KATNAL1: variants seen among roughly 807,000 people sequenced by gnomAD.
The protein encoded by KATNAL1 is katanin p60 ATPase-containing subunit A-like 1.
Under a neutral mutation model 55.2 loss-of-function variants are expected in KATNAL1, and 32 were observed. That is an observed-to-expected ratio of 0.58 (90% CI 0.44 to 0.78). The LOEUF is 0.78. Ranked by LOEUF, KATNAL1 falls within the 30% of genes least tolerant of loss-of-function variation. KATNAL1 has a pLI of 0.00. For synonymous variants in KATNAL1, 193 were observed against 193.6 expected (o/e 1.00, Z 0.02); for missense variants, 466 against 600.9 (o/e 0.78, Z 2.35).
At chr13:30,284,858 A>G (rs184784915) in intron 1 of KATNAL1, among the ~76,000 whole-genome samples, 58 of 152,350 alleles carry the variant, frequency 3.8e-4, no homozygotes, top group South Asian at 1.9e-3. Context: ...CAAGGCTTCT[A>G]TGCAAAGATA....
chr13:30,240,129 A>G (rs1248914583), intron 6 of KATNAL1, among the ~76,000 whole-genome samples: 1 of 152,250 alleles, frequency 6.6e-6, no homozygotes, highest in Non-Finnish European at 1.5e-5. Flanking sequence ...CCTTTCTTCT[A>G]TAAGACCATA....
intron 1 of KATNAL1, among the ~76,000 whole-genome samples, chr13:30,284,695 A>G (rs146335907): frequency 5.3e-4 from 81 of 152,270 alleles, no homozygotes; most frequent in African/African-American, 1.9e-3. Flanking sequence ...ATCATTCTCT[A>G]TATCTTTTTG....
intron 6 of KATNAL1, among the ~76,000 whole-genome samples, chr13:30,232,106 AG>A (rs1876166452): frequency 6.6e-6 from 1 of 152,216 alleles, no homozygotes; most frequent in African/African-American, 2.4e-5. Context: ...GTTACTTCTT[AG>A]TTTTGAAAAC....
intron 3 of KATNAL1, among the ~76,000 whole-genome samples, chr13:30,275,765 T>C (rs925249800): frequency 3.9e-5 from 6 of 152,114 alleles, no homozygotes; most frequent in Admixed American, 2.6e-4. Flanking sequence ...AATTAGCTTA[T>C]TGTGATAAAT....
chr13:30,210,355 A>G lies in KATNAL1; in HGVS notation c.1235T>C (p.Ile412Thr), dbSNP rs774790163. 2.1e-5 allele frequency: 33 copies of G among 1,609,262 alleles called. No homozygotes were observed. The South Asian group carries it at 3.4e-4, about 17-fold the overall frequency. ...GATGTCAGCACCAGAATAGCCCTCA[A>G]TCTTCTCGGCTATATCTTCCAGTTG... ...DIQLEDIAEKIEGYSGADITN... is the reference protein window; with the variant it reads ...DIQLEDIAEKTEGYSGADITN... Residue 412 changes from isoleucine to threonine, a missense_variant, in exon 10 of 11, where the codon ATT becomes ACT. This residue lies in a region of KATNAL1 where 213 missense variants were observed against 308.6 expected (regional missense o/e 0.69). Coordinates refer to ENST00000380615, the MANE Select transcript of KATNAL1 (RefSeq NM_032116.5).
chr13:30,289,686 G>A (rs1440428521), intron 1 of KATNAL1, among the ~76,000 whole-genome samples: 2 of 152,150 alleles, frequency 1.3e-5, no homozygotes, highest in African/African-American at 4.8e-5. Context: ...TGCTTTAAAA[G>A]TATAACATTC....
intron 6 of KATNAL1, among the ~76,000 whole-genome samples, chr13:30,237,382 G>T (rs1237987550): frequency 2.0e-5 from 3 of 152,196 alleles, no homozygotes; most frequent in African/African-American, 4.8e-5. Flanking sequence ...GAAGTGCTAA[G>T]ATAGGCTGGA....
intron 6 of KATNAL1, among the ~76,000 whole-genome samples, chr13:30,232,188 T>C (rs535243613): frequency 6.6e-6 from 1 of 152,286 alleles, no homozygotes; most frequent in African/African-American, 2.4e-5. Flanking sequence ...AACTCTCTAG[T>C]CTTAAAAACT....
At chr13:30,218,826 C>T (rs1311625843) in intron 9 of KATNAL1, among the ~76,000 whole-genome samples, 1 of 152,118 alleles carries the variant, frequency 6.6e-6, no homozygotes, top group Non-Finnish European at 1.5e-5. Context: ...GCTGTGGAGT[C>T]ACCCCCAACC....
intron 3 of KATNAL1, among the ~76,000 whole-genome samples, chr13:30,261,434 G>A (rs949572762): frequency 3.9e-5 from 6 of 152,238 alleles, no homozygotes; most frequent in Admixed American, 3.9e-4. Context: ...AAATTGGATA[G>A]AGTCAAGACC....
At chr13:30,253,941 CCA>C (rs779487753) in intron 4 of KATNAL1, among the ~76,000 whole-genome samples, 1 of 152,180 alleles carries the variant, frequency 6.6e-6, no homozygotes, top group African/African-American at 2.4e-5. Flanking sequence ...GCGCTCTGTA[CCA>C]CAGTTTCTTC....
intron 3 of KATNAL1, among the ~76,000 whole-genome samples, chr13:30,263,418 G>T (rs147329359): frequency 2.6e-4 from 39 of 148,404 alleles, no homozygotes; most frequent in African/African-American, 9.3e-4. Flanking sequence ...TAGGAAAAGA[G>T]GAAGTCAAAT....
intron 3 of KATNAL1, among the ~76,000 whole-genome samples, chr13:30,277,811 G>A (rs1469757641): frequency 1.3e-5 from 2 of 151,028 alleles, no homozygotes; most frequent in Middle Eastern, 3.4e-3. Flanking sequence ...GTGAAACCCC[G>A]TCTCTACTAA....
intron 2 of KATNAL1, among the ~76,000 whole-genome samples, chr13:30,282,243 G>C (rs910772319): frequency 1.3e-5 from 2 of 152,068 alleles, no homozygotes; most frequent in African/African-American, 4.8e-5. Flanking sequence ...TTTTTTATTA[G>C]ATTACTGACT....
chr13:30,287,797 AAAACTAT>A (rs1189067541), intron 1 of KATNAL1, among the ~76,000 whole-genome samples: 4 of 152,244 alleles, frequency 2.6e-5, no homozygotes, highest in African/African-American at 9.6e-5. Flanking sequence ...ATACAGACAC[AAAACTAT>A]AAAAGATAAA....
chr13:30,256,040 T>C (rs1878757103), intron 3 of KATNAL1, among the ~76,000 whole-genome samples: 2 of 152,228 alleles, frequency 1.3e-5, no homozygotes, highest in African/African-American at 4.8e-5. Flanking sequence ...AATAAGTCTA[T>C]TTGTACAGTT....
chr13:30,240,397 G>T, intron 6 of KATNAL1, 63 bp downstream of exon 6: 1 of 1,143,974 alleles, frequency 8.7e-7, no homozygotes, highest in South Asian at 1.3e-5. Flanking sequence ...CTACAGCAAT[G>T]CTGCCTTTCA....
chr13:30,204,178 GAATA>G lies in KATNAL1; in HGVS notation c.*4358_*4361del, dbSNP rs1872906816. 1 of 152,134 alleles carries G rather than the reference GAATA, an allele frequency of 6.6e-6. No individual in the cohort carries two copies. Among genetic ancestry groups the G allele is most frequent in the Admixed American group, 6.5e-5 (1 of 15,278 alleles). The allele number at this position is 152,134 out of a possible 1,614,324, so 9.4% of individuals were successfully genotyped here. On this transcript the variant is annotated 3_prime_UTR_variant, in exon 11 of 11. Coordinates refer to ENST00000380615, the MANE Select transcript of KATNAL1 (RefSeq NM_032116.5). ...TACGGAAAAAAAGATACAAAAAAGAGAATAGTTAGGATTTTTTCCTCATACAAGT... is the reference window on the plus strand; with the variant it reads ...TACGGAAAAAAAGATACAAAAAAGAGGTTAGGATTTTTTCCTCATACAAGT...
chr13:30,265,919 G>A (rs1414265936), intron 3 of KATNAL1, among the ~76,000 whole-genome samples: 2 of 149,374 alleles, frequency 1.3e-5, no homozygotes, highest in African/African-American at 4.9e-5. Context: ...GGCGGGGGCA[G>A]GAGAATTGCT....
Sources: gnomAD v4.1 joint callset for allele counts (sites outside exome capture counted in the v4.1 genomes callset) on GRCh38, gnomAD v4.1.1 for gene constraint, gnomAD v4.1.1 regional missense constraint, MANE v1.5 for transcripts, NCBI Gene and HGNC (gene_info 2026-07-23, HGNC 2026-07-21) for gene names.